Variants in ITGAL observed in about 807,000 individuals in gnomAD.
ITGAL encodes integrin alpha-L.
A neutral mutation model predicts 138.4 loss-of-function variants in ITGAL; 68 were observed. The observed-to-expected ratio is 0.49, with a 90% CI of 0.40 to 0.60. ITGAL has a LOEUF of 0.60. ITGAL is among the 20% of genes least tolerant of loss of function. The probability of loss-of-function intolerance (pLI) is 0.00; values close to 1 mark genes in which losing one functional copy is unlikely to be tolerated. For missense variants in ITGAL, 1,256 were observed against 1,478.6 expected (o/e 0.85, Z 2.47); for synonymous variants, 561 against 584.3 (o/e 0.96, Z 0.57).
intron 18 of ITGAL, chr16:30,504,995 TG>T (rs201338473): frequency 0.012 from 3,393 of 275,382 alleles, 43 homozygotes; most frequent in Middle Eastern, 0.023. Flanking sequence ...CACTCCAGCC[TG>T]GGCAACAGAG....
intron 1 of ITGAL, 59 bp from the exon 2 acceptor site, chr16:30,474,137 T>G (rs1413062153): frequency 2.3e-6 from 3 of 1,315,578 alleles, no homozygotes; most frequent in Non-Finnish European, 3.2e-6. Context: ...GGCCACCTGC[T>G]GGGCACGTGC....
At chr16:30,515,907 G>C (rs1427123768) in intron 25 of ITGAL, among the ~76,000 whole-genome samples, 1 of 151,926 alleles carries the variant, frequency 6.6e-6, no homozygotes, top group Non-Finnish European at 1.5e-5. Flanking sequence ...GGAAGGTGAA[G>C]GTTGCAGCGA....
chr16:30,506,935 G>A (rs2051010019), intron 21 of ITGAL, 79 bp downstream of exon 21: 1 of 1,543,084 alleles, frequency 6.5e-7, no homozygotes, highest in Admixed American at 1.7e-5. Flanking sequence ...AGGCAGCCAG[G>A]ACAGCCTGAA....
intron 21 of ITGAL, among the ~76,000 whole-genome samples, chr16:30,508,294 A>G (rs1190041217): frequency 7.0e-6 from 1 of 142,348 alleles, no homozygotes; most frequent in Non-Finnish European, 1.5e-5. Context: ...GCTCACTGCA[A>G]CCTCCGCCTC....
In ITGAL at chr16:30,518,618, C is replaced by T; in HGVS notation, c.3133-6C>T. The T allele has an allele frequency of 1.2e-6, 2 of 1,609,908 alleles. No individual in the cohort carries two copies. The highest frequency in any genetic ancestry group is 1.1e-5 in the South Asian group (1 of 91,000). On this transcript the variant is annotated splice_polypyrimidine_tract_variant and splice_region_variant and intron_variant, in intron 28 of 30. Transcript: ENST00000356798. The stretch of plus-strand genomic sequence containing the variant: ...CGGGTTCTGACGCCTTTCCCCGCTC[C>T]CACAGGCCTCTTCCATGTTCAGCCT...
rs1381082029 is a variant in ITGAL, at chr16:30,494,247, A to G, written c.1249A>G (p.Thr417Ala). 1.9e-6 allele frequency: 3 copies of G among 1,612,302 alleles called. No individual in the cohort carries two copies. Among genetic ancestry groups the G allele is most frequent in the East Asian group, 2.2e-5 (1 of 44,848 alleles). ...TVTWLPSRQKTSLLASGAPRY... is the reference protein window; with the variant it reads ...TVTWLPSRQKASLLASGAPRY... ...GACCTGGCTGCCCTCCCGGCAAAAG[A>G]CTTCGTTGCTGGCCTCGGGAGCCCC... The change falls in exon 12 of 31, where the codon ACT becomes GCT. Residue 417 changes from threonine to alanine, a missense_variant. By Grantham distance (58) the Thr-to-Ala change is moderately conservative. This residue lies in a region of ITGAL where 867 missense variants were observed against 972.5 expected (regional missense o/e 0.89). Coordinates refer to ENST00000356798, the MANE Select transcript of ITGAL (RefSeq NM_002209.3). The surrounding 1 kb of genome is among the most constrained non-coding windows in gnomAD (Gnocchi z 4.2).
chr16:30,486,859 G>A (rs1199028412), intron 9 of ITGAL, among the ~76,000 whole-genome samples: 1 of 152,078 alleles, frequency 6.6e-6, no homozygotes, highest in African/African-American at 2.4e-5. Context: ...GCAGTAGTGC[G>A]ATCACGGCTC....
At chr16:30,505,127 G>C in intron 18 of ITGAL, 117 bp from the exon 19 acceptor site, 1 of 1,022,966 alleles carries the variant, frequency 9.8e-7, no homozygotes, top group Non-Finnish European at 1.4e-6. Flanking sequence ...TCCTGGGCAG[G>C]GCCAACCACA....
rs1218022631 is a variant in ITGAL at position 30,505,266 on chromosome 16, T to A, written c.2258T>A (p.Ile753Asn). 1.9e-6 allele frequency: 3 copies of A among 1,611,234 alleles called. No homozygotes were observed. Among genetic ancestry groups the A allele is most frequent in the African/African-American group, 1.3e-5 (1 of 74,804 alleles). Residue 753 changes from isoleucine to asparagine, a missense_variant, in exon 19 of 31, where the codon ATC (isoleucine) becomes AAC (asparagine). Transcript: ENST00000356798. Reference sequence around the variant, plus strand: ...CAGCAGGGCAAGGACATACCGCCCATCCTGAGACCCTCCCTGCACTCGGAA... The same window carrying A: ...CAGCAGGGCAAGGACATACCGCCCAACCTGAGACCCTCCCTGCACTCGGAA... ...QRAQGKDIPP[I>N]LRPSLHSETW... is the part of the protein sequence containing the mutation.
chr16:30,506,634 T>C, intron 20 of ITGAL, 81 bp from the exon 21 acceptor site: 1 of 984,462 alleles, frequency 1.0e-6, no homozygotes, highest in Non-Finnish European at 1.5e-6. Context: ...TTTATTTCTT[T>C]CTGGCCCACC....
At chr16:30,491,180 C>A (rs577074061) in intron 11 of ITGAL, among the ~76,000 whole-genome samples, 1 of 151,722 alleles carries the variant, frequency 6.6e-6, no homozygotes, top group Non-Finnish European at 1.5e-5. Context: ...GCTGGCAGAT[C>A]ATTTGAGGTC....
intron 15 of ITGAL, among the ~76,000 whole-genome samples, chr16:30,497,297 C>G (rs981408772): frequency 1.3e-5 from 2 of 150,742 alleles, no homozygotes; most frequent in African/African-American, 4.9e-5. Flanking sequence ...GAGCCGAGAT[C>G]GCGCCCCTGC....
intron 21 of ITGAL, among the ~76,000 whole-genome samples, 170 bp downstream of exon 21, chr16:30,507,026 A>C (rs564423487): frequency 2.0e-4 from 31 of 152,304 alleles, no homozygotes; most frequent in African/African-American, 7.2e-4. Context: ...CCGAGGTACC[A>C]GGTTTACCCT....
rs372886251 is a variant in ITGAL, at chr16:30,517,658, G to A, written c.2986G>A (p.Val996Met). ...HQWSVQMEPPVPCHYEDLERL... is the reference protein window; with the variant it reads ...HQWSVQMEPPMPCHYEDLERL... ...TGCCGCTTGTTCCTAGGAGCCTCCC[G>A]TGCCCTGCCACTATGAGGATCTGGA... The change falls in exon 27 of 31, where the codon GTG (valine) becomes ATG (methionine). Residue 996 changes from valine to methionine, a missense_variant. By Grantham distance (21) the Val-to-Met change is conservative. Transcript: ENST00000356798. 178 of 1,613,766 alleles carry A rather than the reference G, an allele frequency of 1.1e-4. No homozygotes were observed. The highest frequency in any genetic ancestry group is 1.4e-4 in the Non-Finnish European group (162 of 1,179,786).
At chr16:30,497,054 G>T (rs935524986) in intron 15 of ITGAL, among the ~76,000 whole-genome samples, 2 of 152,120 alleles carry the variant, frequency 1.3e-5, no homozygotes, top group African/African-American at 4.8e-5. Context: ...AAAATTAGCA[G>T]GGTGTGGCAG....
At position 30,479,195 on chromosome 16, in the gene ITGAL, C is replaced by A; in HGVS notation, c.432C>A (p.Arg144=). 1 of 1,614,048 alleles carries A rather than the reference C, an allele frequency of 6.2e-7. No individual in the cohort carries two copies. Among genetic ancestry groups the A allele is most frequent in the South Asian group, 1.1e-5 (1 of 91,078 alleles). Residue 144 remains arginine, a synonymous_variant, in exon 5 of 31, where the codon CGC becomes CGA. Transcript: ENST00000356798. ...QNLQGPMLQG[R]PGFQECIKGN... ...TGCAGGGTCCCATGCTGCAGGGGCG[C>A]CCTGGTTTTCAGGGTAAGGAACTGG...
At chr16:30,506,558 C>CAAAAAA (rs57722064) in intron 20 of ITGAL, among the ~76,000 whole-genome samples, 157 bp from the exon 21 acceptor site, 1 of 47,912 alleles carries the variant, frequency 2.1e-5, no homozygotes, top group Non-Finnish European at 3.5e-5. Context: ...GACTCCATCT[C>CAAAAAA]AAAAAAAAAA....
At chr16:30,478,565 G>A (rs1433666210) in intron 4 of ITGAL, among the ~76,000 whole-genome samples, 1 of 151,264 alleles carries the variant, frequency 6.6e-6, no homozygotes, top group Admixed American at 6.6e-5. Context: ...GGGTGTAGTG[G>A]CGGGTGCCTG....
chr16:30,505,553 C>A, intron 20 of ITGAL, 91 bp downstream of exon 20: 1 of 949,270 alleles, frequency 1.1e-6, no homozygotes, highest in Non-Finnish European at 1.7e-6. Context: ...GCAGACACCA[C>A]TTCCCTCTCT....
Sources: allele counts gnomAD v4.1 joint callset (sites outside exome capture counted in the v4.1 genomes callset), GRCh38; gene constraint gnomAD v4.1.1; regional missense constraint gnomAD v4.1.1; non-coding constraint Gnocchi (gnomAD v3.1); transcripts MANE v1.5; gene names NCBI Gene and HGNC (gene_info 2026-07-23, HGNC 2026-07-21).